Variants in ZBTB20 observed in about 807,000 individuals in gnomAD.
ZBTB20 encodes zinc finger and BTB domain-containing protein 20.
Under a neutral mutation model 56.9 loss-of-function variants are expected in ZBTB20, and 9 were observed. The ratio of observed to expected loss-of-function variants is 0.16; its 90% CI spans 0.10 to 0.28. The LOEUF (loss-of-function observed/expected upper bound fraction) is 0.28. Among genes scored for constraint, ZBTB20 ranks in the 10% least tolerant of loss-of-function variants. ZBTB20 has a pLI of 1.00. For synonymous variants in ZBTB20, 417 were observed against 420.7 expected, an observed-to-expected ratio of 0.99 and a Z score of 0.11; for missense variants, 655 against 1,003.0, an observed-to-expected ratio of 0.65 and a Z score of 4.69.
intron 6 of ZBTB20, among the ~76,000 whole-genome samples, chr3:114,585,504 A>G (rs1277080408): frequency 6.6e-6 from 1 of 152,210 alleles, no homozygotes; most frequent in East Asian, 1.9e-4. Context: ...CAGAGGATGC[A>G]GGAAGAAATC....
rs2090421604 is a variant in ZBTB20, at chr3:114,435,021, T to G, written c.-254-45916A>C. On this transcript the variant is annotated intron_variant, in intron 7 of 11. Transcript: ENST00000675478. The stretch of plus-strand genomic sequence containing the variant: ...TGGGACTGTGTTATCAGGGGGCCAT[T>G]TGATTTATCATGTAGTCCATGTATC... Among the ~76,000 whole-genome samples the G allele has an allele frequency of 2.0e-5, 3 of 152,158 alleles. No homozygotes were observed. The South Asian group carries it at 6.2e-4, about 32-fold the overall frequency.
At chr3:114,755,686 A>T (rs1305764255) in intron 5 of ZBTB20, among the ~76,000 whole-genome samples, 2 of 151,978 alleles carry the variant, frequency 1.3e-5, no homozygotes, top group African/African-American at 4.8e-5. Context: ...CTAGAAACAC[A>T]TGCCCTGGGA....
intron 2 of ZBTB20, among the ~76,000 whole-genome samples, chr3:115,032,640 A>T (rs942354716): frequency 2.6e-5 from 4 of 151,490 alleles, no homozygotes; most frequent in African/African-American, 9.7e-5. Context: ...ACCACATATT[A>T]GGCCACAAAT....
chr3:114,562,803 T>C (rs1421132740), intron 6 of ZBTB20, among the ~76,000 whole-genome samples: 3 of 152,100 alleles, frequency 2.0e-5, no homozygotes, highest in African/African-American at 4.8e-5. Context: ...GGGAGAGAGA[T>C]GAAGGAACAG....
chr3:114,712,206 A>G (rs1338803691), intron 5 of ZBTB20, among the ~76,000 whole-genome samples: 1 of 152,174 alleles, frequency 6.6e-6, no homozygotes, highest in African/African-American at 2.4e-5. Context: ...AACACAGGGG[A>G]TCAGAGTTGA....
chr3:114,376,371 T>C (rs1349670136), intron 10 of ZBTB20, among the ~76,000 whole-genome samples: 2 of 152,248 alleles, frequency 1.3e-5, no homozygotes, highest in Non-Finnish European at 2.9e-5. Context: ...TGTGGGAACC[T>C]GAACTTTGCA....
At chr3:114,378,639 A>C (rs1463443433) in intron 10 of ZBTB20, among the ~76,000 whole-genome samples, 2 of 152,226 alleles carry the variant, frequency 1.3e-5, no homozygotes, top group African/African-American at 4.8e-5. Context: ...ATCCATACCC[A>C]TAAGGTGTGG....
chr3:114,328,248 T>C lies in ZBTB20; in HGVS notation c.*10757A>G, dbSNP rs995773901. ...AATGATTTTTTTTTCAAAAAGGCAA[T>C]AAATAAAAAAACTCTTCCTAATTTT... On this transcript the variant is annotated 3_prime_UTR_variant, in exon 12 of 12. Coordinates refer to ENST00000675478, the MANE Select transcript of ZBTB20 (RefSeq NM_001348800.3). 15 of 151,928 alleles carry C rather than the reference T, an allele frequency of 9.9e-5. No individual in the cohort carries two copies. Among genetic ancestry groups the C allele is most frequent in the Admixed American group, 9.8e-4 (15 of 15,248 alleles). The allele number at this position is 151,928 out of a possible 1,614,324, so 9.4% of individuals were successfully genotyped here.
chr3:114,772,751 T>C (rs1448069154), intron 5 of ZBTB20, among the ~76,000 whole-genome samples: 1 of 150,798 alleles, frequency 6.6e-6, no homozygotes, highest in Non-Finnish European at 1.5e-5. Context: ...TTAGAATTCA[T>C]CTGTGGGAGG....
intron 5 of ZBTB20, among the ~76,000 whole-genome samples, chr3:114,729,182 C>T (rs2065535916): frequency 1.3e-5 from 2 of 152,212 alleles, no homozygotes; most frequent in Admixed American, 1.3e-4. Flanking sequence ...TTTTCACTAA[C>T]ATACTCTTTG....
intron 4 of ZBTB20, among the ~76,000 whole-genome samples, chr3:114,852,340 T>C (rs1209302179): frequency 2.6e-5 from 4 of 152,122 alleles, no homozygotes; most frequent in Non-Finnish European, 4.4e-5. Flanking sequence ...CTCGGCTCAC[T>C]GCAACCTCCA....
chr3:114,838,957 G>A lies in ZBTB20; in HGVS notation c.-416-37783C>T, dbSNP rs74575718. On this transcript the variant is annotated intron_variant, in intron 4 of 11. Transcript: ENST00000675478. ...CACATTTAAAGAAGCCATTCCAAAAGCAGGAACAGCACCCCTATAAGATGT... is the reference window on the plus strand; with the variant it reads ...CACATTTAAAGAAGCCATTCCAAAAACAGGAACAGCACCCCTATAAGATGT... 2.6e-3 allele frequency among the ~76,000 whole-genome samples: 391 copies of A among 152,198 alleles called. 1 individual carries two copies. Among genetic ancestry groups the A allele is most frequent in the African/African-American group, 9.0e-3 (375 of 41,534 alleles).
chr3:114,494,393 C>G (rs2043059678), intron 7 of ZBTB20, among the ~76,000 whole-genome samples: 1 of 152,108 alleles, frequency 6.6e-6, no homozygotes, highest in Admixed American at 6.6e-5. Flanking sequence ...GCTCTGGTTC[C>G]CATTTTCATC....
intron 6 of ZBTB20, among the ~76,000 whole-genome samples, chr3:114,602,486 T>C (rs1156873614): frequency 2.0e-5 from 3 of 152,040 alleles, no homozygotes; most frequent in Admixed American, 2.0e-4. Flanking sequence ...GCACCTTCTG[T>C]TATGCTCCCT....
chr3:114,736,398 C>T lies in ZBTB20; in HGVS notation c.-342-42823G>A, dbSNP rs534376310. On this transcript the variant is annotated intron_variant, in intron 5 of 11. Transcript: ENST00000675478. ...CTTGATTTTATTCATAACTTACTGA[C>T]TATATTTTCTTCCCTTCTGGAATGA... Among the ~76,000 whole-genome samples, 4 of 152,028 alleles carry T rather than the reference C, an allele frequency of 2.6e-5. No individual in the cohort carries two copies. The East Asian group carries it at 7.7e-4, about 29-fold the overall frequency.
chr3:114,952,809 C>T (rs1170742567), intron 3 of ZBTB20, among the ~76,000 whole-genome samples: 1 of 151,926 alleles, frequency 6.6e-6, no homozygotes, highest in African/African-American at 2.4e-5. Flanking sequence ...AATTCTATAT[C>T]CTGTATAAAA....
intron 1 of ZBTB20, among the ~76,000 whole-genome samples, chr3:115,139,764 A>C (rs2084758380): frequency 6.6e-6 from 1 of 152,078 alleles, no homozygotes; most frequent in Admixed American, 6.5e-5. Flanking sequence ...AATTTTAACA[A>C]CTTTATGCTG....
chr3:114,415,608 T>C (rs1194410400), intron 7 of ZBTB20, among the ~76,000 whole-genome samples: 2 of 152,122 alleles, frequency 1.3e-5, no homozygotes, highest in Non-Finnish European at 2.9e-5. Flanking sequence ...ATATAATACT[T>C]TGCACATAGT....
chr3:114,594,468 T>C (rs1204300618), intron 6 of ZBTB20, among the ~76,000 whole-genome samples: 1 of 152,084 alleles, frequency 6.6e-6, no homozygotes, highest in Non-Finnish European at 1.5e-5. Context: ...GGTTTCACTA[T>C]GTTGGCCAAG....
Sources: gnomAD v4.1 joint callset for allele counts (sites outside exome capture counted in the v4.1 genomes callset) on GRCh38, gnomAD v4.1.1 for gene constraint, MANE v1.5 for transcripts, NCBI Gene and HGNC (gene_info 2026-07-23, HGNC 2026-07-21) for gene names.